The following BARX2 variants were observed in gnomAD, a reference collection of about 807,000 sequenced individuals.
BARX2 encodes the protein homeobox protein BarH-like 2.
A neutral mutation model predicts 25.5 loss-of-function variants in BARX2; 11 were observed. The ratio of observed to expected loss-of-function variants is 0.43; its 90% CI spans 0.27 to 0.71. BARX2 has a LOEUF of 0.71. Ranked by LOEUF, BARX2 falls within the 30% of genes least tolerant of loss-of-function variation. The probability of loss-of-function intolerance (pLI) is 0.19; values close to 1 mark genes in which losing one functional copy is unlikely to be tolerated. For missense variants in BARX2, 360 were observed against 359.9 expected (o/e 1.00, Z 0.00); for synonymous variants, 137 against 149.5 (o/e 0.92, Z 0.61).
intron 1 of BARX2, among the ~76,000 whole-genome samples, chr11:129,435,422 AAG>A (rs1862177479): frequency 6.6e-6 from 1 of 152,242 alleles, no homozygotes; most frequent in Non-Finnish European, 1.5e-5. Context: ...AAGGAATAAG[AAG>A]AGAAATGCCA....
intron 1 of BARX2, among the ~76,000 whole-genome samples, chr11:129,411,950 C>T (rs1165858616): frequency 1.3e-5 from 2 of 152,170 alleles, no homozygotes; most frequent in African/African-American, 2.4e-5. Context: ...AAAATTTAAG[C>T]AACATATAAA....
In BARX2 at chr11:129,376,460, G is replaced by T. The variant is rs905140285; in HGVS notation, c.187+238G>T. ...AGGGCCTTAGGAGTGGGCTGCTCGC[G>T]CAACGCCTGATTGTCCTGCTCGGAG... is the stretch of plus-strand genomic sequence containing the variant. On this transcript the variant is annotated intron_variant, in intron 1 of 3. Coordinates refer to ENST00000281437, the MANE Select transcript of BARX2 (RefSeq NM_003658.5). The surrounding 1 kb of genome is among the most constrained non-coding windows in gnomAD (Gnocchi z 4.2). Among the ~76,000 whole-genome samples the T allele has an allele frequency of 1.3e-5, 2 of 152,230 alleles. No homozygotes were observed. Among genetic ancestry groups the T allele is most frequent in the Non-Finnish European group, 2.9e-5 (2 of 68,046 alleles).
At chr11:129,405,528 A>G (rs1218559253) in intron 1 of BARX2, among the ~76,000 whole-genome samples, 5 of 152,194 alleles carry the variant, frequency 3.3e-5, no homozygotes, top group African/African-American at 1.2e-4. Flanking sequence ...CTTTTAGTTC[A>G]GGCCATTATT....
At chr11:129,380,051 G>T (rs552563388) in intron 1 of BARX2, among the ~76,000 whole-genome samples, 1 of 151,980 alleles carries the variant, frequency 6.6e-6, no homozygotes, top group African/African-American at 2.4e-5. Flanking sequence ...TCCTCAAGCA[G>T]AAGGTATTTT....
rs1480350109 is a variant in BARX2 at position 129,451,651 on chromosome 11, C to T, written c.*249C>T. On this transcript the variant is annotated 3_prime_UTR_variant, in exon 4 of 4. Coordinates refer to ENST00000281437, the MANE Select transcript of BARX2 (RefSeq NM_003658.5). ...GGATGCCCTTGATTAAGGGAGAGAG[C>T]GCCTAGGAGCTGCCTGCCCCAGCTG... 1.6e-5 allele frequency: 8 copies of T among 505,178 alleles called. No homozygotes were observed. Among genetic ancestry groups the T allele is most frequent in the African/African-American group, 3.8e-5 (2 of 52,180 alleles). The allele number at this position is 505,178 out of a possible 1,614,324, so 31.3% of individuals were successfully genotyped here. A position where few individuals can be genotyped will look rare whatever the true frequency, so the allele number is the denominator to read the frequency against.
rs148488681 is a variant in BARX2, at chr11:129,421,153, G to A, written c.188-15598G>A. Among the ~76,000 whole-genome samples the A allele has an allele frequency of 2.0e-4, 31 of 152,238 alleles. No homozygotes were observed. The East Asian group carries it at 5.0e-3, about 25-fold the overall frequency. On this transcript the variant is annotated intron_variant, in intron 1 of 3. Transcript: ENST00000281437. The stretch of plus-strand genomic sequence containing the variant: ...TAGCCAGTTGGATACCGTGGTTTGC[G>A]AACCGATGTGCATTGTGTTGCAAAA...
chr11:129,425,645 G>A (rs1862054776), intron 1 of BARX2, among the ~76,000 whole-genome samples: 1 of 152,214 alleles, frequency 6.6e-6, no homozygotes, highest in Admixed American at 6.5e-5. Context: ...GCATTGCTGA[G>A]TGGTTTTGTG....
At chr11:129,427,464 C>T (rs1453851133) in intron 1 of BARX2, among the ~76,000 whole-genome samples, 1 of 152,158 alleles carries the variant, frequency 6.6e-6, no homozygotes, top group East Asian at 1.9e-4. Context: ...CTGCATACTT[C>T]TGGACCAGTG....
intron 1 of BARX2, among the ~76,000 whole-genome samples, chr11:129,394,102 G>A (rs1162864322): frequency 2.0e-5 from 3 of 152,124 alleles, no homozygotes; most frequent in African/African-American, 7.2e-5. Flanking sequence ...TAAATCATAT[G>A]TTGTTGAGCT....
chr11:129,437,027 A>G lies in BARX2; in HGVS notation c.464A>G (p.Gln155Arg). 1 of 1,587,710 alleles carries G rather than the reference A, an allele frequency of 6.3e-7. No homozygotes were observed. The highest frequency in any genetic ancestry group is 8.6e-7 in the Non-Finnish European group (1 of 1,163,336). ...GGCCTGGAGAAGAAATTCCAGAAGC[A>G]GAAGTATTTGTCAACCCCAGACAGG... Reference protein sequence around the residue: ...LMGLEKKFQKQKYLSTPDRLD... With the variant: ...LMGLEKKFQKRKYLSTPDRLD... The change falls in exon 2 of 4, where the codon CAG (glutamine) becomes CGG (arginine). Residue 155 changes from glutamine to arginine, a missense_variant. Coordinates refer to ENST00000281437, the MANE Select transcript of BARX2 (RefSeq NM_003658.5).
intron 2 of BARX2, among the ~76,000 whole-genome samples, chr11:129,440,180 C>T (rs1454716743): frequency 2.0e-5 from 3 of 152,146 alleles, no homozygotes; most frequent in African/African-American, 7.2e-5. Flanking sequence ...CCCATTTAAG[C>T]GAATATGCAG....
intron 3 of BARX2, among the ~76,000 whole-genome samples, chr11:129,448,025 C>G (rs1862351822): frequency 6.6e-6 from 1 of 152,188 alleles, no homozygotes. Context: ...CGTTAAAGGT[C>G]CCCTTAATAT....
chr11:129,380,902 G>A (rs1248109486), intron 1 of BARX2, among the ~76,000 whole-genome samples: 3 of 151,526 alleles, frequency 2.0e-5, no homozygotes. Flanking sequence ...TCAGCCTCCT[G>A]AGTAGCTGGG....
intron 1 of BARX2, among the ~76,000 whole-genome samples, chr11:129,394,039 C>T (rs1044782841): frequency 2.0e-5 from 3 of 152,194 alleles, no homozygotes; most frequent in African/African-American, 7.2e-5. Flanking sequence ...CATTAGAGGT[C>T]ACCAGTATTT....
Position 129,376,828 on chromosome 11 carries a change from G to T in BARX2, c.187+606G>T, listed in dbSNP as rs1409123842. On this transcript the variant is annotated intron_variant, in intron 1 of 3. Transcript: ENST00000281437. This position sits in a 1 kb window ranked among gnomAD's most constrained non-coding sequence, Gnocchi z 4.2. ...CAAGCCGAAAAGGTCACCCTCGTTT[G>T]TCTTAAGTGACCAAAACCAGCAATG... Among the ~76,000 whole-genome samples, 3 of 152,210 alleles carry T rather than the reference G, an allele frequency of 2.0e-5. No individual in the cohort carries two copies. The highest frequency in any genetic ancestry group is 6.5e-5 in the Admixed American group (1 of 15,278).
In BARX2 at chr11:129,436,278, A is replaced by G. The variant is rs1033595603; in HGVS notation, c.188-473A>G. ...ATCCTGTCAAGCTCTGAAAAATGCT[A>G]TGCTTCAAGGTACACAGACTTCTCA... On this transcript the variant is annotated intron_variant, in intron 1 of 3. Coordinates refer to ENST00000281437, the MANE Select transcript of BARX2 (RefSeq NM_003658.5). This position sits in a 1 kb window ranked among gnomAD's most constrained non-coding sequence, Gnocchi z 4.5. The G allele has an allele frequency of 7.7e-5, 12 of 156,732 alleles. No individual in the cohort carries two copies. The highest frequency in any genetic ancestry group is 1.4e-4 in the Non-Finnish European group (10 of 71,338). The allele number at this position is 156,732 out of a possible 1,614,324, so 9.7% of individuals were successfully genotyped here. A position where few individuals can be genotyped will look rare whatever the true frequency, so the allele number is the denominator to read the frequency against.
At chr11:129,426,156 G>A (rs1053795333) in intron 1 of BARX2, among the ~76,000 whole-genome samples, 2 of 151,978 alleles carry the variant, frequency 1.3e-5, no homozygotes, top group Non-Finnish European at 2.9e-5. Flanking sequence ...TGCTGGACTA[G>A]AAACTTGGTG....
chr11:129,389,558 AT>A (rs564179667), intron 1 of BARX2, among the ~76,000 whole-genome samples: 61 of 147,086 alleles, frequency 4.1e-4, no homozygotes, highest in Middle Eastern at 3.5e-3. Context: ...TTGTTACTTT[AT>A]TTTTTTTTTT....
At chr11:129,387,934 A>T (rs1010254719) in intron 1 of BARX2, among the ~76,000 whole-genome samples, 1 of 152,164 alleles carries the variant, frequency 6.6e-6, no homozygotes, top group Non-Finnish European at 1.5e-5. Context: ...AGTGAATCTC[A>T]AGGAGGTTAA....
Sources: allele counts gnomAD v4.1 joint callset (sites outside exome capture counted in the v4.1 genomes callset), GRCh38; gene constraint gnomAD v4.1.1; non-coding constraint Gnocchi (gnomAD v3.1); transcripts MANE v1.5; gene names NCBI Gene and HGNC (gene_info 2026-07-23, HGNC 2026-07-21).